NEDD4: variants seen among roughly 807,000 people sequenced by gnomAD.
The protein encoded by NEDD4 is E3 ubiquitin-protein ligase NEDD4.
NEDD4 carries 99 observed loss-of-function variants against 144.9 expected under a neutral mutation model. The observed-to-expected ratio is 0.68, with a 90% CI of 0.58 to 0.81. The LOEUF is 0.81. NEDD4 is among the 30% of genes least tolerant of loss of function. The pLI, the probability that NEDD4 is intolerant of heterozygous loss-of-function variation, is 0.00. For synonymous variants in NEDD4, 318 were observed against 350.6 expected, an observed-to-expected ratio of 0.91 and a Z score of 1.04; for missense variants, 985 against 1,065.9, an observed-to-expected ratio of 0.92 and a Z score of 1.06.
chr15:55,847,069 T>C (rs776058373), intron 17 of NEDD4, 35 bp from the exon 18 acceptor site: 5 of 1,428,958 alleles, frequency 3.5e-6, no homozygotes, highest in South Asian at 2.5e-5. Context: ...TAAAGAAGTT[T>C]AGGTTGTTTT....
chr15:55,960,645 C>T (rs1213067333), intron 2 of NEDD4, among the ~76,000 whole-genome samples: 2 of 151,672 alleles, frequency 1.3e-5, no homozygotes, highest in Non-Finnish European at 2.9e-5. Context: ...GTCAATTCTC[C>T]TACTAAATTC....
At chr15:55,844,333 G>A (rs1409842742) in intron 18 of NEDD4, among the ~76,000 whole-genome samples, 10 of 152,132 alleles carry the variant, frequency 6.6e-5, no homozygotes, top group Admixed American at 6.6e-4. Context: ...GTTCTCAGAA[G>A]CTGACGGGAC....
intron 21 of NEDD4, 116 bp downstream of exon 21, chr15:55,840,331 G>T: frequency 3.3e-6 from 3 of 917,974 alleles, no homozygotes; most frequent in East Asian, 2.7e-5. Context: ...AAGTTCATTT[G>T]TATTTTGAAA....
chr15:55,916,713 C>G, intron 5 of NEDD4: 3 of 1,614,016 alleles, frequency 1.9e-6, no homozygotes, highest in Non-Finnish European at 2.5e-6. Flanking sequence ...CGTTGAAATC[C>G]GTGTTGGTCT....
chr15:55,963,139 T>TTA (rs1375679373), intron 2 of NEDD4, among the ~76,000 whole-genome samples: 9 of 149,384 alleles, frequency 6.0e-5, no homozygotes, highest in African/African-American at 2.2e-4. Context: ...TTTTTTATTT[T>TTA]TTTTTTTTTT....
chr15:55,898,631 CTTTTTTT>C (rs34372143), intron 5 of NEDD4, among the ~76,000 whole-genome samples: 4 of 108,318 alleles, frequency 3.7e-5, no homozygotes, highest in Non-Finnish European at 5.6e-5. Context: ...ACAAAAAGAA[CTTTTTTT>C]TTTTTTTTTT....
rs944673355 is a variant in NEDD4, at chr15:55,879,867, A to C, written c.292-5859T>G. 2.0e-5 allele frequency among the ~76,000 whole-genome samples: 3 copies of C among 152,230 alleles called. No individual in the cohort carries two copies. In the South Asian group the frequency reaches 6.2e-4, roughly 32 times the overall value. On this transcript the variant is annotated intron_variant, in intron 5 of 28. Coordinates refer to ENST00000435532, the MANE Select transcript of NEDD4 (RefSeq NM_006154.4). The stretch of plus-strand genomic sequence containing the variant: ...ACTATAGGATTCTTCAAATAAGGAA[A>C]TTACAGGAGAAAATTCAAAAGTCAA...
intron 6 of NEDD4, 125 bp from the exon 7 acceptor site, chr15:55,872,601 T>C: frequency 2.7e-6 from 1 of 367,734 alleles, no homozygotes. Context: ...AAAGTAGCTT[T>C]AGTTTATCAA....
At chr15:55,859,672 G>C (rs1308934236) in intron 11 of NEDD4, among the ~76,000 whole-genome samples, 1 of 152,174 alleles carries the variant, frequency 6.6e-6, no homozygotes, top group Non-Finnish European at 1.5e-5. Flanking sequence ...CTCCAGTCTA[G>C]GTGACAGAGT....
At chr15:55,903,254 C>T (rs2035968481) in intron 5 of NEDD4, among the ~76,000 whole-genome samples, 1 of 152,032 alleles carries the variant, frequency 6.6e-6, no homozygotes, top group Non-Finnish European at 1.5e-5. Context: ...CTTTTCCAAG[C>T]AGCTTTATCC....
At chr15:55,974,891 CTTTTTT>C (rs56285555) in intron 1 of NEDD4, among the ~76,000 whole-genome samples, 5 of 75,700 alleles carry the variant, frequency 6.6e-5, no homozygotes, top group African/African-American at 2.0e-4. Flanking sequence ...CTTTTCCTTT[CTTTTTT>C]TTTTTTTTTT....
chr15:55,969,753 C>T (rs1377028577), intron 1 of NEDD4, among the ~76,000 whole-genome samples: 2 of 152,032 alleles, frequency 1.3e-5, no homozygotes, highest in Non-Finnish European at 1.5e-5. Context: ...GAATAAACAT[C>T]GGGGTAGCCA....
At chr15:55,878,622 A>G (rs960411400) in intron 5 of NEDD4, among the ~76,000 whole-genome samples, 13 of 152,244 alleles carry the variant, frequency 8.5e-5, no homozygotes, top group African/African-American at 3.1e-4. Flanking sequence ...TCTTAAGAGA[A>G]TAAAAACAAA....
chr15:55,985,788 C>CAT (rs2037881554), intron 1 of NEDD4, among the ~76,000 whole-genome samples: 1 of 151,666 alleles, frequency 6.6e-6, no homozygotes, highest in Non-Finnish European at 1.5e-5. Context: ...CACACACACA[C>CAT]GCTTAACTGT....
chr15:55,981,437 C>T lies in NEDD4; in HGVS notation c.45+12074G>A, dbSNP rs139514549. ...GTATTTTCCAAACTAAACACTGGAA[C>T]CTATGGATTGACAGCAGTTTTCTTC... On this transcript the variant is annotated intron_variant, in intron 1 of 28. Coordinates refer to ENST00000435532, the MANE Select transcript of NEDD4 (RefSeq NM_006154.4). Among the ~76,000 whole-genome samples, 1,442 of 152,154 alleles carry T rather than the reference C, an allele frequency of 9.5e-3. 10 individuals carry two copies. Among genetic ancestry groups the T allele is most frequent in the Non-Finnish European group, 0.014 (978 of 68,002 alleles).
intron 1 of NEDD4, among the ~76,000 whole-genome samples, chr15:55,989,313 T>C (rs1000021830): frequency 6.6e-6 from 1 of 152,298 alleles, no homozygotes; most frequent in Non-Finnish European, 1.5e-5. Context: ...CCCTGCTCCA[T>C]GAAAAATACT....
chr15:55,907,914 G>A (rs1465049212), intron 5 of NEDD4, among the ~76,000 whole-genome samples: 2 of 152,110 alleles, frequency 1.3e-5, no homozygotes, highest in East Asian at 3.9e-4. Context: ...GAATATGTAG[G>A]CTATGAATCA....
intron 5 of NEDD4, among the ~76,000 whole-genome samples, chr15:55,908,571 C>T (rs985899642): frequency 2.6e-5 from 4 of 152,246 alleles, no homozygotes; most frequent in Admixed American, 2.0e-4. Flanking sequence ...AGCATTGGTA[C>T]GATCTGTTAT....
chr15:55,923,781 TTTC>T (rs1402164864), intron 5 of NEDD4, among the ~76,000 whole-genome samples: 1 of 151,968 alleles, frequency 6.6e-6, no homozygotes, highest in Non-Finnish European at 1.5e-5. Context: ...ATAATTACCA[TTTC>T]TTGAGGGCAA....
Sources: gnomAD v4.1 joint callset for allele counts (sites outside exome capture counted in the v4.1 genomes callset) on GRCh38, gnomAD v4.1.1 for gene constraint, MANE v1.5 for transcripts, NCBI Gene and HGNC (gene_info 2026-07-23, HGNC 2026-07-21) for gene names.